ITGB6: variants seen among roughly 807,000 people sequenced by gnomAD.
The protein encoded by ITGB6 is integrin subunit beta 6, also known as integrin beta-6.
ITGB6 carries 80 observed loss-of-function variants against 84.5 expected under a neutral mutation model. The observed-to-expected ratio is 0.95, with a 90% CI of 0.79 to 1.14. The LOEUF (loss-of-function observed/expected upper bound fraction) is 1.14, where lower values mean the gene tolerates loss of function less well. Ranked by LOEUF, ITGB6 falls within the 50% of genes most tolerant of loss-of-function variation. The probability of loss-of-function intolerance (pLI) is 0.00; values close to 1 mark genes in which losing one functional copy is unlikely to be tolerated. For missense variants in ITGB6, 1,006 were observed against 968.0 expected, an observed-to-expected ratio of 1.04 and a Z score of -0.52; for synonymous variants, 383 against 354.9, an observed-to-expected ratio of 1.08 and a Z score of -0.89.
intron 10 of ITGB6, among the ~76,000 whole-genome samples, chr2:160,131,616 T>C (rs1683473291): frequency 6.6e-6 from 1 of 152,186 alleles, no homozygotes; most frequent in Non-Finnish European, 1.5e-5. Context: ...TGCATTTACT[T>C]TCATTATACC....
At chr2:160,146,601 C>T (rs1285113990) in intron 7 of ITGB6, among the ~76,000 whole-genome samples, 2 of 152,094 alleles carry the variant, frequency 1.3e-5, no homozygotes, top group Non-Finnish European at 2.9e-5. Context: ...CTCTTCAAAT[C>T]TTTCTAAGTA....
At chr2:160,167,140 C>G (rs565337181) in intron 7 of ITGB6, among the ~76,000 whole-genome samples, 24 of 152,340 alleles carry the variant, frequency 1.6e-4, no homozygotes, top group South Asian at 4.1e-4. Context: ...TCTTCAGTAG[C>G]TACGTTCCTT....
At chr2:160,182,157 G>A (rs1356521068) in intron 4 of ITGB6, among the ~76,000 whole-genome samples, 2 of 152,198 alleles carry the variant, frequency 1.3e-5, no homozygotes, top group Non-Finnish European at 2.9e-5. Flanking sequence ...CGAATTGACA[G>A]AAGTAGGCTT....
At chr2:160,111,090 C>A (rs914890870) in intron 13 of ITGB6, among the ~76,000 whole-genome samples, 2 of 131,030 alleles carry the variant, frequency 1.5e-5, no homozygotes, top group South Asian at 2.4e-4. Flanking sequence ...AAAGAACAGA[C>A]AACAGCTCAG....
At chr2:160,195,724 A>AGGTG in intron 3 of ITGB6, 109 bp from the exon 4 acceptor site, 1 of 1,193,420 alleles carries the variant, frequency 8.4e-7, no homozygotes, top group South Asian at 1.4e-5. Flanking sequence ...GAACTTACTG[A>AGGTG]AATACATATG....
intron 12 of ITGB6, among the ~76,000 whole-genome samples, chr2:160,114,705 T>C (rs1214001849): frequency 2.0e-5 from 3 of 152,110 alleles, no homozygotes; most frequent in African/African-American, 7.2e-5. Flanking sequence ...GGGCGAGGCA[T>C]TGCCTCACTC....
intron 7 of ITGB6, among the ~76,000 whole-genome samples, chr2:160,164,216 G>A (rs191891013): frequency 7.9e-5 from 12 of 152,272 alleles, no homozygotes; most frequent in Non-Finnish European, 1.6e-4. Flanking sequence ...CAGGCACTAC[G>A]TCTTATTCTT....
At chr2:160,135,404 G>C (rs1370945319) in intron 10 of ITGB6, among the ~76,000 whole-genome samples, 1 of 137,768 alleles carries the variant, frequency 7.3e-6, no homozygotes, top group African/African-American at 2.7e-5. Flanking sequence ...AAATAAAAGA[G>C]GATACAAACA....
At chr2:160,151,522 C>T (rs1264570473) in intron 7 of ITGB6, among the ~76,000 whole-genome samples, 1 of 152,122 alleles carries the variant, frequency 6.6e-6, no homozygotes, top group Non-Finnish European at 1.5e-5. Flanking sequence ...ACCCTAACAT[C>T]ACAATTAAAA....
intron 4 of ITGB6, among the ~76,000 whole-genome samples, chr2:160,190,095 A>G (rs1028946528): frequency 1.3e-5 from 2 of 151,962 alleles, no homozygotes; most frequent in African/African-American, 4.8e-5. Context: ...TCAGCAAACT[A>G]TCACAAGGAC....
chr2:160,195,686 G>A (rs1465667090), intron 3 of ITGB6, 71 bp from the exon 4 acceptor site: 1 of 1,559,126 alleles, frequency 6.4e-7, no homozygotes, highest in Admixed American at 1.7e-5. Flanking sequence ...GCCACTCGCT[G>A]GGTCAGCTGG....
chr2:160,126,219 TG>T (rs2105801160), intron 11 of ITGB6, among the ~76,000 whole-genome samples, 159 bp downstream of exon 11: 1 of 152,330 alleles, frequency 6.6e-6, no homozygotes, highest in African/African-American at 2.4e-5. Context: ...TGTTCCAGGC[TG>T]AAGATCACAG....
rs1685254507 is a variant in ITGB6, at chr2:160,172,632, G to A, written c.858C>T (p.Val286=). The A allele has an allele frequency of 6.2e-7, 1 of 1,612,352 alleles. No homozygotes were observed. The highest frequency in any genetic ancestry group is 2.2e-5 in the East Asian group (1 of 44,844). Residue 286 remains valine (V), a synonymous_variant, in exon 6 of 15, where the codon GTC becomes GTT. Transcript: ENST00000283249. ...FGMDSKLAGI[V]IPNDGLCHLD... ...AGTGACAGAGCCCGTCATTAGGAAT[G>A]ACGATGCCTGCTAGTTTGCTGTCCA...
rs1696644813 is a variant in ITGB6, at chr2:160,099,770, A to G, written c.*1966T>C. 6.6e-6 allele frequency: 1 copy of G among 152,242 alleles called. No homozygotes were observed. The highest frequency in any genetic ancestry group is 2.4e-5 in the African/African-American group (1 of 41,460). The allele number at this position is 152,242 out of a possible 1,614,324, so 9.4% of individuals were successfully genotyped here. A position where few individuals can be genotyped will look rare whatever the true frequency, so the allele number is the denominator to read the frequency against. ...TTCATGTAACATAACTCTTCAGTGA[A>G]CAGAAGTACTACTGTTAATGTTTTG... On this transcript the variant is annotated 3_prime_UTR_variant, in exon 15 of 15. Transcript: ENST00000283249.
At chr2:160,118,533 T>C (rs541103337) in intron 12 of ITGB6, among the ~76,000 whole-genome samples, 3 of 152,058 alleles carry the variant, frequency 2.0e-5, no homozygotes, top group African/African-American at 4.8e-5. Context: ...TAAGAGCTAT[T>C]TATGACAAAC....
At chr2:160,196,827 G>A (rs1019963469) in intron 2 of ITGB6, among the ~76,000 whole-genome samples, 8 of 152,020 alleles carry the variant, frequency 5.3e-5, no homozygotes, top group Non-Finnish European at 8.8e-5. Flanking sequence ...GTGACCTGTA[G>A]GTTTGATTCC....
At chr2:160,196,109 G>A in intron 3 of ITGB6, 107 bp downstream of exon 3, 1 of 945,974 alleles carries the variant, frequency 1.1e-6, no homozygotes, top group Middle Eastern at 3.0e-4. Context: ...GGAAATTCGA[G>A]TCATAATAAT....
At chr2:160,111,903 A>G (rs1483323120) in intron 13 of ITGB6, among the ~76,000 whole-genome samples, 177 bp downstream of exon 13, 1 of 152,140 alleles carries the variant, frequency 6.6e-6, no homozygotes, top group Non-Finnish European at 1.5e-5. Flanking sequence ...AATAAGAGAC[A>G]CTGGAACATA....
chr2:160,131,558 G>A (rs1310126934), intron 10 of ITGB6, among the ~76,000 whole-genome samples: 1 of 152,116 alleles, frequency 6.6e-6, no homozygotes, highest in Non-Finnish European at 1.5e-5. Context: ...CACAATGCCA[G>A]GCACATAGTA....
Sources: gnomAD v4.1 joint callset for allele counts (sites outside exome capture counted in the v4.1 genomes callset) on GRCh38, gnomAD v4.1.1 for gene constraint, MANE v1.5 for transcripts, NCBI Gene and HGNC (gene_info 2026-07-23, HGNC 2026-07-21) for gene names.